The following OSGEPL1 variants were observed in gnomAD, a reference collection of about 807,000 sequenced individuals.
OSGEPL1 encodes tRNA N6-adenosine threonylcarbamoyltransferase, mitochondrial.
Under a neutral mutation model 37.2 loss-of-function variants are expected in OSGEPL1, and 26 were observed. The observed-to-expected ratio is 0.70, with a 90% CI of 0.51 to 0.97. The LOEUF (loss-of-function observed/expected upper bound fraction) is 0.97, where lower values mean the gene tolerates loss of function less well. Ranked by LOEUF, OSGEPL1 falls within the 50% of genes least tolerant of loss-of-function variation. The pLI is 0.00. For missense variants in OSGEPL1, 404 were observed against 487.0 expected, an observed-to-expected ratio of 0.83 and a Z score of 1.60; for synonymous variants, 140 against 159.9, an observed-to-expected ratio of 0.88 and a Z score of 0.94.
rs1017953985 is a variant in OSGEPL1 at position 189,752,708 on chromosome 2, G to C, written c.1111C>G (p.Leu371Val). The change falls in exon 7 of 9, where the codon CTA becomes GTA. Residue 371 changes from leucine to valine, a missense_variant. By Grantham distance (32) the Leu-to-Val change is conservative (BLOSUM62 1). Coordinates refer to ENST00000264151, the MANE Select transcript of OSGEPL1 (RefSeq NM_022353.3). ...TGTAAAATGCCCAAGCCAGCACGTA[G>C]TCTTTCAATACCATTCCTAAATAAG... is the stretch of plus-strand genomic sequence containing the variant. Reference protein sequence around the residue: ...IMIAWNGIERLRAGLGILHDI... With the variant: ...IMIAWNGIERVRAGLGILHDI... The C allele has an allele frequency of 8.1e-6, 13 of 1,613,724 alleles. No individual in the cohort carries two copies. In the Admixed American group the frequency reaches 1.3e-4, roughly 17 times the overall value.
intron 8 of OSGEPL1, among the ~76,000 whole-genome samples, chr2:189,748,254 C>T (rs4666783): frequency 0.23 from 34,409 of 152,114 alleles, 4,125 homozygotes; most frequent in African/African-American, 0.29. Context: ...CCAGGTTGGA[C>T]GGCAATAGTG....
chr2:189,748,116 G>A (rs375146733), intron 8 of OSGEPL1, among the ~76,000 whole-genome samples: 37 of 152,224 alleles, frequency 2.4e-4, no homozygotes, highest in African/African-American at 7.5e-4. Flanking sequence ...ATTAATTAGC[G>A]GTTATTTTCC....
intron 2 of OSGEPL1, among the ~76,000 whole-genome samples, chr2:189,757,529 A>C (rs2046257609): frequency 6.6e-6 from 1 of 152,272 alleles, no homozygotes; most frequent in Non-Finnish European, 1.5e-5. Flanking sequence ...ATTCACACTT[A>C]ATATTCACAA....
rs2045464787 is a variant in OSGEPL1, at chr2:189,752,692, C to G, written c.1127G>C (p.Gly376Ala). The change falls in exon 7 of 9, where the codon GGC becomes GCC. Residue 376 changes from glycine to alanine, a missense_variant. Coordinates refer to ENST00000264151, the MANE Select transcript of OSGEPL1 (RefSeq NM_022353.3). ...NGIERLRAGL[G>A]ILHDIEGIRY... ...GATGCCTTCTATGTCATGTAAAATG[C>G]CCAAGCCAGCACGTAGTCTTTCAAT... 1 of 1,613,640 alleles carries G rather than the reference C, an allele frequency of 6.2e-7. No individual in the cohort carries two copies.
At chr2:189,747,657 C>A (rs1305463063) in intron 8 of OSGEPL1, among the ~76,000 whole-genome samples, 1 of 152,118 alleles carries the variant, frequency 6.6e-6, no homozygotes, top group Non-Finnish European at 1.5e-5. Flanking sequence ...GATACAAACA[C>A]CTGGCTTCAC....
At chr2:189,754,974 T>A in intron 3 of OSGEPL1, 199 bp downstream of exon 3, 5 of 629,162 alleles carry the variant, frequency 7.9e-6, no homozygotes, top group Non-Finnish European at 1.3e-5. Flanking sequence ...ATGAACCTCT[T>A]ACCATTTTAT....
chr2:189,754,008 GC>G lies in OSGEPL1; in HGVS notation c.870del (p.Gln290HisfsTer9). 6.2e-7 allele frequency: 1 copy of G among 1,613,644 alleles called. No individual in the cohort carries two copies. ...TTCACAAGATGACATGCCATTGTGTGCTGTACTGTGGCAGCAATGTCTGCTG... is the reference window on the plus strand; with the variant it reads ...TTCACAAGATGACATGCCATTGTGTGTGTACTGTGGCAGCAATGTCTGCTG... ...SSAADIAATV[Q>X]HTMACHLVKR... On this transcript the variant is annotated frameshift_variant, in exon 5 of 9. Transcript: ENST00000264151. LOFTEE classifies it high-confidence loss of function.
chr2:189,761,915 T>G (rs904718008), intron 1 of OSGEPL1, among the ~76,000 whole-genome samples: 1 of 152,174 alleles, frequency 6.6e-6, no homozygotes, highest in Non-Finnish European at 1.5e-5. Flanking sequence ...GACTTACTAT[T>G]AAGACAGCTA....
At position 189,753,993 on chromosome 2, in the gene OSGEPL1, G is replaced by T; in HGVS notation, c.886C>A (p.His296Asn). Residue 296 changes from histidine (H) to asparagine (N), a missense_variant, in exon 5 of 9, where the codon CAT becomes AAT. Transcript: ENST00000264151. ...AATVQHTMACHLVKRTHRAIL... is the reference protein window; with the variant it reads ...AATVQHTMACNLVKRTHRAIL... ...GCCCGATGTGTTCTTTTCACAAGAT[G>T]ACATGCCATTGTGTGCTGTACTGTG... 1 of 1,613,744 alleles carries T rather than the reference G, an allele frequency of 6.2e-7. No individual in the cohort carries two copies. Among genetic ancestry groups the T allele is most frequent in the Non-Finnish European group, 8.5e-7 (1 of 1,179,820 alleles).
chr2:189,756,728 C>T (rs1396520306), intron 2 of OSGEPL1, among the ~76,000 whole-genome samples: 1 of 152,154 alleles, frequency 6.6e-6, no homozygotes, highest in Non-Finnish European at 1.5e-5. Context: ...TATCACCACT[C>T]CCACTGCCAA....
At chr2:189,755,063 C>T in intron 3 of OSGEPL1, 110 bp downstream of exon 3, 2 of 1,316,588 alleles carry the variant, frequency 1.5e-6, no homozygotes, top group East Asian at 2.4e-5. Flanking sequence ...TTTCAGTTTA[C>T]TAAGATAAAA....
rs986164489 is a variant in OSGEPL1, at chr2:189,755,973, G to C, written c.222-413C>G. Among the ~76,000 whole-genome samples, 12 of 152,268 alleles carry C rather than the reference G, an allele frequency of 7.9e-5. No individual in the cohort carries two copies. The East Asian group carries it at 2.3e-3, about 29-fold the overall frequency. On this transcript the variant is annotated intron_variant, in intron 2 of 8. Transcript: ENST00000264151. ...AAAATGATTATATCTTAAACTGGGC[G>C]ATTGTGGGAATGGAAAGAAAGGGAC... is the stretch of plus-strand genomic sequence containing the variant.
intron 1 of OSGEPL1, among the ~76,000 whole-genome samples, chr2:189,762,355 G>T (rs1016174589): frequency 6.6e-6 from 1 of 152,180 alleles, no homozygotes; most frequent in Admixed American, 6.5e-5. Flanking sequence ...AACTTTCTGG[G>T]TGTTAAAGCA....
At chr2:189,751,459 T>G (rs201885199) in intron 7 of OSGEPL1, among the ~76,000 whole-genome samples, 5,007 of 150,852 alleles carry the variant, frequency 0.033, 91 homozygotes, top group South Asian at 0.07. Flanking sequence ...TTTTTTTTTT[T>G]TTTGAGATGG....
rs2047317562 is a variant in OSGEPL1, at chr2:189,762,764, A to G, written c.-100T>C. 1.0e-6 allele frequency: 1 copy of G among 985,454 alleles called. No homozygotes were observed. Among genetic ancestry groups the G allele is most frequent in the Non-Finnish European group, 1.2e-6 (1 of 830,010 alleles). The allele number at this position is 985,454 out of a possible 1,614,324, so 61.0% of individuals were successfully genotyped here. A position where few individuals can be genotyped will look rare whatever the true frequency, so the allele number is the denominator to read the frequency against. ...TCGACTGCCCTTATCGCTGCAGGAG[A>G]AAGCCCGAACCTGGCGCCCGGAAGT... On this transcript the variant is annotated 5_prime_UTR_variant, in exon 1 of 9. Transcript: ENST00000264151.
intron 3 of OSGEPL1, chr2:189,754,913 G>A (rs1472034288): frequency 2.3e-6 from 1 of 429,684 alleles, no homozygotes; most frequent in Non-Finnish European, 4.0e-6. Flanking sequence ...TACATTATTT[G>A]GCAAAATACA....
intron 2 of OSGEPL1, among the ~76,000 whole-genome samples, chr2:189,755,878 G>A (rs2045996675): frequency 6.6e-6 from 1 of 152,134 alleles, no homozygotes; most frequent in South Asian, 2.1e-4. Context: ...GGAAAAAATT[G>A]TATTTAAGGA....
chr2:189,749,243 C>CCAA (rs1396283259), intron 8 of OSGEPL1, among the ~76,000 whole-genome samples: 2 of 19,782 alleles, frequency 1.0e-4, no homozygotes, highest in Non-Finnish European at 3.4e-4. Context: ...GAGACTCTGT[C>CCAA]TAAAAAAAAA....
chr2:189,747,929 G>A (rs993666293), intron 8 of OSGEPL1, among the ~76,000 whole-genome samples: 5 of 151,864 alleles, frequency 3.3e-5, no homozygotes, highest in African/African-American at 9.7e-5. Flanking sequence ...CAGGTGATCC[G>A]CCTACCTTGG....
Sources: allele counts gnomAD v4.1 joint callset (sites outside exome capture counted in the v4.1 genomes callset), GRCh38; gene constraint gnomAD v4.1.1; transcripts MANE v1.5; gene names NCBI Gene and HGNC (gene_info 2026-07-23, HGNC 2026-07-21).